The following DNAAF4 variants were observed in gnomAD, a reference collection of about 807,000 sequenced individuals.
DNAAF4 encodes dynein axonemal assembly factor 4.
Under a neutral mutation model 51.8 loss-of-function variants are expected in DNAAF4, and 43 were observed. The ratio of observed to expected loss-of-function variants is 0.83; its 90% CI spans 0.65 to 1.07. The LOEUF (loss-of-function observed/expected upper bound fraction) is 1.07, where lower values mean the gene tolerates loss of function less well. DNAAF4 is among the 50% of genes least tolerant of loss of function. DNAAF4 has a pLI of 0.00. For synonymous variants in DNAAF4, 194 were observed against 165.6 expected, an observed-to-expected ratio of 1.17 and a Z score of -1.32; for missense variants, 581 against 493.0, an observed-to-expected ratio of 1.18 and a Z score of -1.69.
chr15:55,429,338 G>C (rs148807235), downstream of DNAAF4, among the ~76,000 whole-genome samples: 3 of 151,698 alleles, frequency 2.0e-5, no homozygotes, highest in African/African-American at 7.3e-5. Context: ...TGGCCAACAT[G>C]ATGAAACCCT....
downstream of DNAAF4, among the ~76,000 whole-genome samples, chr15:55,426,393 C>G (rs1021059307): frequency 6.6e-6 from 1 of 152,198 alleles, no homozygotes; most frequent in Admixed American, 6.5e-5. Flanking sequence ...AGGTTGTTAA[C>G]ATCTTTGTTT....
intron 5 of DNAAF4, among the ~76,000 whole-genome samples, chr15:55,460,042 GCAA>G (rs1192237730): frequency 1.3e-5 from 2 of 151,524 alleles, no homozygotes; most frequent in African/African-American, 4.8e-5. Flanking sequence ...AGACTTTAAA[GCAA>G]CAACAGTTAA....
At chr15:55,473,828 C>A (rs2058300322) in intron 4 of DNAAF4, among the ~76,000 whole-genome samples, 1 of 151,524 alleles carries the variant, frequency 6.6e-6, no homozygotes, top group African/African-American at 2.4e-5. Flanking sequence ...CCTATCTCTA[C>A]AAAAAATAAA....
chr15:55,495,891 T>A (rs563826257), intron 3 of DNAAF4, among the ~76,000 whole-genome samples: 2 of 152,302 alleles, frequency 1.3e-5, no homozygotes, highest in African/African-American at 4.8e-5. Flanking sequence ...TACAAAGCAC[T>A]GACAACTAGC....
intron 1 of DNAAF4, among the ~76,000 whole-genome samples, chr15:55,503,530 A>G (rs754679901): frequency 6.6e-6 from 1 of 152,162 alleles, no homozygotes; most frequent in Non-Finnish European, 1.5e-5. Context: ...CCTCAATAAA[A>G]TACTGGCAAA....
chr15:55,462,176 G>A (rs545458584), intron 5 of DNAAF4, among the ~76,000 whole-genome samples: 23 of 151,816 alleles, frequency 1.5e-4, no homozygotes, highest in Non-Finnish European at 3.2e-4. Context: ...AAAAGTCCAG[G>A]ACCAGATGGA....
chr15:55,498,103 A>G, intron 2 of DNAAF4, 104 bp downstream of exon 2: 2 of 1,570,546 alleles, frequency 1.3e-6, no homozygotes, highest in Non-Finnish European at 1.7e-6. Flanking sequence ...AAAATTTAGG[A>G]CGTTTATCGG....
chr15:55,506,203 A>G (rs2058726271), intron 1 of DNAAF4, among the ~76,000 whole-genome samples: 3 of 152,250 alleles, frequency 2.0e-5, no homozygotes, highest in Admixed American at 2.0e-4. Context: ...CAAAGAGAAC[A>G]TATAAACAAA....
At chr15:55,435,198 C>T in intron 7 of DNAAF4, 140 bp from the exon 8 acceptor site, 1 of 832,822 alleles carries the variant, frequency 1.2e-6, no homozygotes, top group Non-Finnish European at 1.8e-6. Flanking sequence ...TGCACTGAAT[C>T]CATCTCTTTT....
At chr15:55,445,032 C>CTTTTTTTTTTTTTTTTT (rs35988188) in intron 6 of DNAAF4, among the ~76,000 whole-genome samples, 1 of 109,044 alleles carries the variant, frequency 9.2e-6, no homozygotes, top group African/African-American at 3.6e-5. Flanking sequence ...ATTGAATACC[C>CTTTTTTTTTTTTTTTTT]TTTTTTTTTT....
intron 4 of DNAAF4, among the ~76,000 whole-genome samples, chr15:55,471,874 G>A (rs924014319): frequency 7.0e-6 from 1 of 143,534 alleles, no homozygotes; most frequent in Non-Finnish European, 1.5e-5. Context: ...GAGTCTTGCT[G>A]TGTCACCCAG....
At chr15:55,473,321 G>A (rs184144273) in intron 4 of DNAAF4, among the ~76,000 whole-genome samples, 12,758 of 130,540 alleles carry the variant, frequency 0.098, 1,345 homozygotes, top group African/African-American at 0.22. Context: ...GTATATATGT[G>A]TGTATATATA....
rs150408142 is a variant in DNAAF4, at chr15:55,506,849, A to C, written c.-256+1273T>G. Among the ~76,000 whole-genome samples, 685 of 152,082 alleles carry C rather than the reference A, an allele frequency of 4.5e-3. 10 individuals carry two copies. The highest frequency in any genetic ancestry group is 5.2e-3 in the Non-Finnish European group (356 of 67,978). On this transcript the variant is annotated intron_variant, in intron 1 of 9. Transcript: ENST00000321149. ...TATTTTATACAACTTTTACTTTTTT[A>C]TTTTTCTTTTTTCTTTTTTTGATGG...
chr15:55,496,845 G>A (rs1210911648), intron 3 of DNAAF4, among the ~76,000 whole-genome samples: 3 of 152,010 alleles, frequency 2.0e-5, no homozygotes, highest in Admixed American at 1.3e-4. Flanking sequence ...GCACTTGAAA[G>A]CAGCAAATGC....
rs796182172 is a variant in DNAAF4, at chr15:55,487,119, G to A, written c.405+4004C>T. Among the ~76,000 whole-genome samples the A allele has an allele frequency of 3.9e-4, 59 of 152,286 alleles. 1 individual carries two copies. Among genetic ancestry groups the A allele is most frequent in the African/African-American group, 1.4e-3 (58 of 41,560 alleles). ...AGAGGTGAAGCCAGCTGGACTTCCT[G>A]GGTCAAGTGGGGACTTGGAGAACTT... On this transcript the variant is annotated intron_variant, in intron 4 of 9. Transcript: ENST00000321149.
rs182600036 is a variant in DNAAF4, at chr15:55,418,892, T to C, written c.1048-759A>G. 602 of 175,954 alleles carry C rather than the reference T, an allele frequency of 3.4e-3. 2 individuals are homozygous for C. Among genetic ancestry groups the C allele is most frequent in the Non-Finnish European group, 5.1e-3 (431 of 84,680 alleles). The allele number at this position is 175,954 out of a possible 1,614,324, so 10.9% of individuals were successfully genotyped here. A position where few individuals can be genotyped will look rare whatever the true frequency, so the allele number is the denominator to read the frequency against. The stretch of plus-strand genomic sequence containing the variant: ...GAGCTGTAAGGAAAAAAAAATTGAT[T>C]TAAGGAAGCTTCTGACCAACAATTT... On this transcript the variant is annotated intron_variant, in intron 7 of 7. Transcript: ENST00000448430.
intron 5 of DNAAF4, among the ~76,000 whole-genome samples, chr15:55,459,049 C>T (rs1033759514): frequency 1.4e-5 from 2 of 146,018 alleles, no homozygotes; most frequent in Non-Finnish European, 3.0e-5. Context: ...GCACTCTAGC[C>T]TGGGTGACAG....
intron 4 of DNAAF4, among the ~76,000 whole-genome samples, chr15:55,481,368 G>T (rs181239131): frequency 1.6e-4 from 24 of 152,304 alleles, no homozygotes; most frequent in Non-Finnish European, 4.4e-5. Flanking sequence ...CCTGGTCAAG[G>T]ATACTAAGCT....
chr15:55,507,275 T>G (rs1262355810), intron 1 of DNAAF4, among the ~76,000 whole-genome samples: 1 of 152,150 alleles, frequency 6.6e-6, no homozygotes, highest in Non-Finnish European at 1.5e-5. Context: ...CATCATAAGT[T>G]GAAAATATCC....
Sources: allele counts gnomAD v4.1 joint callset (sites outside exome capture counted in the v4.1 genomes callset), GRCh38; gene constraint gnomAD v4.1.1; transcripts MANE v1.5; gene names NCBI Gene and HGNC (gene_info 2026-07-23, HGNC 2026-07-21).